The following RALGAPA2 variants were observed in gnomAD, a reference collection of about 807,000 sequenced individuals.
RALGAPA2 encodes the protein Ral GTPase activating protein catalytic subunit alpha 2.
RALGAPA2 carries 139 observed loss-of-function variants against 230.4 expected under a neutral mutation model. That is an observed-to-expected ratio of 0.60 (90% CI 0.53 to 0.69). RALGAPA2 has a LOEUF of 0.69. Among genes scored for constraint, RALGAPA2 ranks in the 30% least tolerant of loss-of-function variants. RALGAPA2 has a pLI of 0.00. For synonymous variants in RALGAPA2, 847 were observed against 837.8 expected (o/e 1.01, Z -0.19); for missense variants, 2,163 against 2,276.0 (o/e 0.95, Z 1.01).
chr20:20,466,052 T>G (rs1017326604), intron 37 of RALGAPA2, among the ~76,000 whole-genome samples: 3 of 152,104 alleles, frequency 2.0e-5, no homozygotes, highest in Non-Finnish European at 2.9e-5. Flanking sequence ...TCTCACCAAC[T>G]CAGAGAGACC....
chr20:20,402,294 C>G (rs995133296), intron 38 of RALGAPA2, among the ~76,000 whole-genome samples: 3 of 152,252 alleles, frequency 2.0e-5, no homozygotes, highest in African/African-American at 4.8e-5. Context: ...TGACAGTTCA[C>G]AGAGAGTCCT....
rs2066973478 is a variant in RALGAPA2 at position 20,639,852 on chromosome 20, C to T, written c.599G>A (p.Gly200Glu). 1.2e-6 allele frequency: 2 copies of T among 1,613,592 alleles called. No individual in the cohort carries two copies. Among genetic ancestry groups the T allele is most frequent in the Non-Finnish European group, 1.7e-6 (2 of 1,179,686 alleles). Reference protein sequence around the residue: ...EITPLLPAISGEKIAEDQTCF... With the variant: ...EITPLLPAISEEKIAEDQTCF... ...GGTTTGGTCCTCAGCAATCTTCTCC[C>T]CTGATATGGCTGGTAGGAGTGGAGT... The change falls in exon 7 of 40, where the codon GGG (glycine) becomes GAG (glutamate). Residue 200 changes from glycine to glutamate, a missense_variant. By Grantham distance (98) the Gly-to-Glu change is moderately conservative. Coordinates refer to ENST00000202677, the MANE Select transcript of RALGAPA2 (RefSeq NM_020343.4).
At chr20:20,401,496 T>C (rs563466030) in intron 38 of RALGAPA2, among the ~76,000 whole-genome samples, 1 of 152,268 alleles carries the variant, frequency 6.6e-6, no homozygotes, top group Non-Finnish European at 1.5e-5. Context: ...CCAAGCTTAT[T>C]CTAACTTGAA....
At chr20:20,458,256 C>T (rs1396845473) in intron 37 of RALGAPA2, among the ~76,000 whole-genome samples, 2 of 151,560 alleles carry the variant, frequency 1.3e-5, no homozygotes, top group Admixed American at 6.6e-5. Context: ...AATTTATTGT[C>T]GAAGATGGTT....
At chr20:20,439,854 T>C (rs1045775877) in intron 37 of RALGAPA2, among the ~76,000 whole-genome samples, 1 of 152,240 alleles carries the variant, frequency 6.6e-6, no homozygotes, top group African/African-American at 2.4e-5. Context: ...ATATTTAATG[T>C]GCTAATGGGA....
chr20:20,618,562 T>C (rs1053860275), intron 12 of RALGAPA2, among the ~76,000 whole-genome samples: 3 of 152,094 alleles, frequency 2.0e-5, no homozygotes, highest in Non-Finnish European at 4.4e-5. Context: ...TTCCCAGATG[T>C]TCCCCAGACT....
chr20:20,693,499 T>C (rs2068990459), intron 1 of RALGAPA2, among the ~76,000 whole-genome samples: 1 of 152,158 alleles, frequency 6.6e-6, no homozygotes. Context: ...AAATCGCTCC[T>C]GAGGGGAAAA....
chr20:20,538,978 T>A (rs1334715802), intron 24 of RALGAPA2, among the ~76,000 whole-genome samples: 2 of 152,186 alleles, frequency 1.3e-5, no homozygotes, highest in East Asian at 3.8e-4. Flanking sequence ...TTAGAGTATA[T>A]GTTCTTTTGT....
intron 36 of RALGAPA2, among the ~76,000 whole-genome samples, chr20:20,480,140 C>T (rs2061739099): frequency 6.6e-6 from 1 of 152,198 alleles, no homozygotes; most frequent in South Asian, 2.1e-4. Context: ...ATTGTTGTGA[C>T]TTTCCTTCCT....
At chr20:20,488,066 A>G (rs2061958825) in intron 36 of RALGAPA2, among the ~76,000 whole-genome samples, 1 of 152,042 alleles carries the variant, frequency 6.6e-6, no homozygotes, top group Non-Finnish European at 1.5e-5. Context: ...CTTAATTCCC[A>G]CAATTGGCCC....
chr20:20,599,600 T>C (rs2065570142), intron 16 of RALGAPA2, among the ~76,000 whole-genome samples: 2 of 152,224 alleles, frequency 1.3e-5, no homozygotes, highest in Admixed American at 1.3e-4. Context: ...TTAACATTAA[T>C]GAAATGGAAC....
intron 28 of RALGAPA2, among the ~76,000 whole-genome samples, chr20:20,525,973 G>A (rs1313546527): frequency 6.6e-6 from 1 of 152,134 alleles, no homozygotes; most frequent in African/African-American, 2.4e-5. Context: ...TGCTCTTGAT[G>A]AATGAAGCCC....
chr20:20,605,325 G>A lies in RALGAPA2; in HGVS notation c.1888C>T (p.Leu630Phe). ...TTTATAAGTTCCTCCCATTCCGTGA[G>A]GGAGGACAGCACACCAAGAAAGTCA... ...WDDFLGVLSS[L>F]TEWEELINEW... The change falls in exon 15 of 40, where the codon CTC becomes TTC. Residue 630 changes from leucine (L) to phenylalanine (F), a missense_variant. Physicochemically the swap from Leu to Phe is conservative, Grantham distance 22. Coordinates refer to ENST00000202677, the MANE Select transcript of RALGAPA2 (RefSeq NM_020343.4). 6.2e-7 allele frequency: 1 copy of A among 1,613,820 alleles called. No homozygotes were observed.
chr20:20,683,315 C>T lies in RALGAPA2; in HGVS notation c.107-2514G>A, dbSNP rs74496076. ...CTTCCATTCCCCATAGCGGCCAACT[C>T]GAATATTTAATAGAGTCAGTCAAAT... On this transcript the variant is annotated intron_variant, in intron 1 of 39. Coordinates refer to ENST00000202677, the MANE Select transcript of RALGAPA2 (RefSeq NM_020343.4). 4.7e-3 allele frequency among the ~76,000 whole-genome samples: 722 copies of T among 152,232 alleles called. 9 individuals carry two copies. The highest frequency in any genetic ancestry group is 0.017 in the African/African-American group (690 of 41,538).
chr20:20,505,560 T>C (rs1489315933), intron 33 of RALGAPA2, 26 bp from the exon 34 acceptor site: 3 of 1,513,346 alleles, frequency 2.0e-6, no homozygotes, highest in African/African-American at 2.8e-5. Flanking sequence ...TTTAAAGGAG[T>C]TAGAATTCTT....
chr20:20,572,617 AGAGT>A (rs1185122033), intron 21 of RALGAPA2, among the ~76,000 whole-genome samples: 1 of 152,184 alleles, frequency 6.6e-6, no homozygotes. Flanking sequence ...TTTTATAAAG[AGAGT>A]AACTAGAATG....
At chr20:20,655,937 T>C (rs193016491) in intron 3 of RALGAPA2, among the ~76,000 whole-genome samples, 11 of 152,314 alleles carry the variant, frequency 7.2e-5, no homozygotes, top group African/African-American at 1.9e-4. Context: ...AGATGCAATC[T>C]TAGACCCGAG....
chr20:20,605,127 C>T (rs752115198), intron 15 of RALGAPA2, 48 bp downstream of exon 15: 5 of 1,478,006 alleles, frequency 3.4e-6, no homozygotes, highest in East Asian at 2.4e-5. Context: ...AATACACACT[C>T]GTCCCCAGTC....
intron 35 of RALGAPA2, among the ~76,000 whole-genome samples, chr20:20,498,764 T>C (rs528703645): frequency 6.6e-6 from 1 of 152,324 alleles, no homozygotes; most frequent in Admixed American, 6.5e-5. Flanking sequence ...TCGTACTGTA[T>C]CACTGCCAAT....
Sources: allele counts gnomAD v4.1 joint callset (sites outside exome capture counted in the v4.1 genomes callset), GRCh38; gene constraint gnomAD v4.1.1; transcripts MANE v1.5; gene names NCBI Gene and HGNC (gene_info 2026-07-23, HGNC 2026-07-21).